Variants in SKP1 observed in about 807,000 individuals in gnomAD.
The protein encoded by SKP1 is S-phase kinase associated protein 1.
In SKP1, 1 loss-of-function variant was observed where a neutral mutation model predicts 21.5. The observed-to-expected ratio is 0.05, with a 90% CI of 0.02 to 0.22. SKP1 has a LOEUF of 0.22. SKP1 is among the 10% of genes least tolerant of loss of function. The pLI is 1.00. For missense variants in SKP1, 70 were observed against 192.0 expected, an observed-to-expected ratio of 0.36 and a Z score of 3.76; for synonymous variants, 59 against 59.3, an observed-to-expected ratio of 0.99 and a Z score of 0.03.
intron 3 of SKP1, among the ~76,000 whole-genome samples, chr5:134,162,352 A>G (rs1761236149): frequency 6.6e-6 from 1 of 152,128 alleles, no homozygotes. Flanking sequence ...TTGCCCTCCC[A>G]AAGTGTTGGG....
rs551541252 is a variant in SKP1, at chr5:134,149,043, G to T, written c.*8690C>A. 2 of 152,112 alleles carry T rather than the reference G, an allele frequency of 1.3e-5. No individual in the cohort carries two copies. Among genetic ancestry groups the T allele is most frequent in the Admixed American group, 6.5e-5 (1 of 15,272 alleles). The allele number at this position is 152,112 out of a possible 1,614,324, so 9.4% of individuals were successfully genotyped here. On this transcript the variant is annotated 3_prime_UTR_variant, in exon 6 of 6. Transcript: ENST00000353411. ...GTGTTACATGAATATATTGTGTAGC[G>T]GTGAGGTCCGGGCTATTTTTAGATT...
intron 4 of SKP1, among the ~76,000 whole-genome samples, chr5:134,159,963 G>T (rs189374971): frequency 6.6e-6 from 1 of 151,990 alleles, no homozygotes; most frequent in Non-Finnish European, 1.5e-5. Flanking sequence ...GATCACAGGC[G>T]TGAGCCACCG....
rs996497024 is a variant in SKP1 at position 134,157,170 on chromosome 5, A to T, written c.*563T>A. On this transcript the variant is annotated 3_prime_UTR_variant, in exon 6 of 6. Transcript: ENST00000353411. Reference sequence around the variant, plus strand: ...CTAAGAGGATTAAAAATAAAGAAAAAGAAAACAAGTCCTCAGATGCAATGA... The same window carrying T: ...CTAAGAGGATTAAAAATAAAGAAAATGAAAACAAGTCCTCAGATGCAATGA... 1.3e-5 allele frequency: 2 copies of T among 152,734 alleles called. No individual in the cohort carries two copies. The highest frequency in any genetic ancestry group is 2.9e-5 in the Non-Finnish European group (2 of 68,114). 9.5% of individuals were successfully genotyped at this position (152,734 alleles called of 1,614,324 possible).
At chr5:134,157,894 A>C in intron 5 of SKP1, 126 bp from the exon 6 acceptor site, 12 of 1,592,098 alleles carry the variant, frequency 7.5e-6, no homozygotes, top group Non-Finnish European at 1.0e-5. Flanking sequence ...AAATTAGAAC[A>C]ACACCAGGTT....
intron 4 of SKP1, among the ~76,000 whole-genome samples, chr5:134,159,708 C>T (rs1047051702): frequency 2.6e-5 from 4 of 152,294 alleles, no homozygotes; most frequent in South Asian, 2.1e-4. Context: ...CCACCCCACC[C>T]GGCTAATTTT....
At chr5:134,162,463 T>C (rs955701967) in intron 3 of SKP1, among the ~76,000 whole-genome samples, 12 of 152,188 alleles carry the variant, frequency 7.9e-5, no homozygotes, top group African/African-American at 2.4e-4. Flanking sequence ...TGGAGTGCAA[T>C]GGCGCTATCT....
intron 4 of SKP1, among the ~76,000 whole-genome samples, chr5:134,159,401 G>A (rs1038759363): frequency 6.6e-6 from 1 of 151,548 alleles, no homozygotes; most frequent in East Asian, 1.9e-4. Context: ...TTTTTTTTAA[G>A]ACACCGTCTC....
intron 2 of SKP1, among the ~76,000 whole-genome samples, chr5:134,168,531 T>C (rs1160230766): frequency 6.6e-6 from 1 of 152,090 alleles, no homozygotes; most frequent in East Asian, 1.9e-4. Flanking sequence ...ACAGGATATA[T>C]GAGGAACAGT....
chr5:134,175,075 C>T (rs970145125), intron 1 of SKP1: 2 of 152,174 alleles, frequency 1.3e-5, no homozygotes, highest in Non-Finnish European at 1.5e-5. Flanking sequence ...TTACAAATCG[C>T]ATATATTTTC....
Position 134,148,956 on chromosome 5 carries a change from A to C in SKP1, c.*8777T>G, listed in dbSNP as rs969336813. 1.3e-5 allele frequency: 2 copies of C among 152,260 alleles called. No homozygotes were observed. Among genetic ancestry groups the C allele is most frequent in the Admixed American group, 1.3e-4 (2 of 15,286 alleles). 9.4% of individuals were successfully genotyped at this position (152,260 alleles called of 1,614,324 possible). On this transcript the variant is annotated 3_prime_UTR_variant, in exon 6 of 6. Transcript: ENST00000353411. ...TACATACGCTGTTGGTGGACACGACAGCCACCATATCCACTTTATTTTTAG... is the reference window on the plus strand; with the variant it reads ...TACATACGCTGTTGGTGGACACGACCGCCACCATATCCACTTTATTTTTAG...
At chr5:134,174,455 G>C (rs1169344675) in intron 1 of SKP1, 1 of 993,712 alleles carries the variant, frequency 1.0e-6, no homozygotes, top group Non-Finnish European at 1.2e-6. Context: ...CCCACAGTGA[G>C]TCCTACCTGT....
intron 1 of SKP1, among the ~76,000 whole-genome samples, chr5:134,175,901 C>T (rs763450228): frequency 1.3e-5 from 2 of 150,970 alleles, no homozygotes; most frequent in Admixed American, 6.6e-5. Flanking sequence ...TTCTCCATGG[C>T]CAGCATAAAG....
chr5:134,159,077 C>T (rs1761170830), intron 4 of SKP1, among the ~76,000 whole-genome samples: 1 of 152,134 alleles, frequency 6.6e-6, no homozygotes, highest in South Asian at 2.1e-4. Flanking sequence ...TTAATTTCAT[C>T]TTTTACTAGT....
chr5:134,170,000 C>CAA (rs1312695127), intron 2 of SKP1, among the ~76,000 whole-genome samples: 1,083 of 76,862 alleles, frequency 0.014, 12 homozygotes, highest in Middle Eastern at 0.039. Context: ...GACTCCATCT[C>CAA]AAAAAAAAAA....
intron 5 of SKP1, chr5:134,157,990 GGCAATTTACTAAAGTTGACAGA>G (rs1398641584): frequency 6.6e-7 from 1 of 1,508,400 alleles, no homozygotes; most frequent in African/African-American, 1.4e-5. Flanking sequence ...AAAGGCAATG[GGCAATTTACTAAAGTTGACAGA>G]GCAAATTCAG....
Position 134,148,942 on chromosome 5 carries a change from TTGG to T in SKP1, c.*8788_*8790del, listed in dbSNP as rs751877848. 17 of 152,248 alleles carry T rather than the reference TTGG, an allele frequency of 1.1e-4. No homozygotes were observed. Among genetic ancestry groups the T allele is most frequent in the Non-Finnish European group, 1.8e-4 (12 of 68,052 alleles). The allele number at this position is 152,248 out of a possible 1,614,324, so 9.4% of individuals were successfully genotyped here. A position where few individuals can be genotyped will look rare whatever the true frequency, so the allele number is the denominator to read the frequency against. On this transcript the variant is annotated 3_prime_UTR_variant, in exon 6 of 6. Coordinates refer to ENST00000353411, the MANE Select transcript of SKP1 (RefSeq NM_170679.3). The stretch of plus-strand genomic sequence containing the variant: ...ACTTTTTAAAAAGTTACATACGCTG[TTGG>T]TGGACACGACAGCCACCATATCCAC...
rs568951913 is a variant in SKP1, at chr5:134,149,678, T to C, written c.*8055A>G. 42 of 152,366 alleles carry C rather than the reference T, an allele frequency of 2.8e-4. No homozygotes were observed. The highest frequency in any genetic ancestry group is 9.1e-4 in the African/African-American group (38 of 41,592). 9.4% of individuals were successfully genotyped at this position (152,366 alleles called of 1,614,324 possible). On this transcript the variant is annotated 3_prime_UTR_variant, in exon 6 of 6. Coordinates refer to ENST00000353411, the MANE Select transcript of SKP1 (RefSeq NM_170679.3). ...TGTCCCATTTTAAAGAATTCTGTTC[T>C]GGCTACTGGCCTAGTTGTTTAAAAA...
rs114104837 is a variant in SKP1 at position 134,176,109 on chromosome 5, C to T, written c.-1+746G>A. The stretch of plus-strand genomic sequence containing the variant: ...AGTTTCCATTAAAAGTGAATCAAAG[C>T]AGGTAGACGTCCTATTTCTTTAAAA... On this transcript the variant is annotated intron_variant, in intron 1 of 5. Coordinates refer to ENST00000353411, the MANE Select transcript of SKP1 (RefSeq NM_170679.3). Among the ~76,000 whole-genome samples the T allele has an allele frequency of 3.1e-3, 467 of 152,314 alleles. 2 individuals carry two copies. The highest frequency in any genetic ancestry group is 9.6e-3 in the African/African-American group (398 of 41,562).
intron 2 of SKP1, among the ~76,000 whole-genome samples, chr5:134,172,012 C>A (rs1761451091): frequency 6.6e-6 from 1 of 152,188 alleles, no homozygotes; most frequent in Non-Finnish European, 1.5e-5. Flanking sequence ...CCACTGCACA[C>A]CAGGCTGGGC....
Sources: allele counts gnomAD v4.1 joint callset (sites outside exome capture counted in the v4.1 genomes callset), GRCh38; gene constraint gnomAD v4.1.1; transcripts MANE v1.5; gene names NCBI Gene and HGNC (gene_info 2026-07-23, HGNC 2026-07-21).